Variants in ST8SIA6 observed in about 807,000 individuals in gnomAD.
ST8SIA6 encodes the protein alpha-2,8-sialyltransferase 8F.
In ST8SIA6, 39 loss-of-function variants were observed where a neutral mutation model predicts 33.6. The observed-to-expected ratio is 1.16, with a 90% CI of 0.90 to 1.52. The LOEUF (loss-of-function observed/expected upper bound fraction) is 1.52. Among genes scored for constraint, ST8SIA6 ranks in the 40% most tolerant of loss-of-function variants. ST8SIA6 has a pLI of 0.00. For missense variants in ST8SIA6, 441 were observed against 443.8 expected (o/e 0.99, Z 0.06); for synonymous variants, 172 against 167.2 (o/e 1.03, Z -0.22).
intron 5 of ST8SIA6, 42 bp downstream of exon 5, chr10:17,331,366 T>C (rs748354672): frequency 1.3e-6 from 2 of 1,563,604 alleles, no homozygotes; most frequent in South Asian, 2.4e-5. Context: ...AAAATTCACC[T>C]GGAATGGTAA....
At chr10:17,417,842 C>T (rs796590660) in intron 2 of ST8SIA6, among the ~76,000 whole-genome samples, 1 of 152,094 alleles carries the variant, frequency 6.6e-6, no homozygotes, top group Non-Finnish European at 1.5e-5. Context: ...AAGATAGAAC[C>T]TGAAAGGCTT....
chr10:17,397,171 TCTCCTTCAG>T (rs1850836086), intron 2 of ST8SIA6, among the ~76,000 whole-genome samples: 1 of 151,928 alleles, frequency 6.6e-6, no homozygotes, highest in Admixed American at 6.6e-5. Context: ...CCAACCTTTT[TCTCCTTCAG>T]CTCCATCCTC....
chr10:17,430,333 A>G (rs115741391), intron 2 of ST8SIA6, among the ~76,000 whole-genome samples: 3,469 of 152,200 alleles, frequency 0.023, 141 homozygotes, highest in African/African-American at 0.079. Flanking sequence ...CATCTTTGCA[A>G]TTGTGAATTG....
chr10:17,401,097 T>C lies in ST8SIA6; in HGVS notation c.201-10477A>G, dbSNP rs575989480. Among the ~76,000 whole-genome samples, 29 of 152,214 alleles carry C rather than the reference T, an allele frequency of 1.9e-4. 1 individual carries two copies. The East Asian group carries it at 5.6e-3, about 29-fold the overall frequency. On this transcript the variant is annotated intron_variant, in intron 2 of 7. Transcript: ENST00000377602. Reference sequence around the variant, plus strand: ...TTCAGCAAAGTCTCAGGATACAAAATCAATGTGCAAAAATCACAAGCATTC... The same window carrying C: ...TTCAGCAAAGTCTCAGGATACAAAACCAATGTGCAAAAATCACAAGCATTC...
intron 2 of ST8SIA6, among the ~76,000 whole-genome samples, chr10:17,407,609 G>T (rs1443244127): frequency 6.6e-6 from 1 of 152,180 alleles, no homozygotes; most frequent in Admixed American, 6.5e-5. Context: ...TGGCTGGGTT[G>T]CCCTGTGAGT....
chr10:17,380,983 GGTTTT>G (rs1296796155), intron 3 of ST8SIA6, among the ~76,000 whole-genome samples: 1 of 150,514 alleles, frequency 6.6e-6, no homozygotes, highest in East Asian at 1.9e-4. Context: ...TGTTTTGAGG[GGTTTT>G]TTTTGTTTTT....
Position 17,391,355 on chromosome 10 carries a change from G to A in ST8SIA6, c.201-735C>T, listed in dbSNP as rs12262283. Among the ~76,000 whole-genome samples, 1,194 of 151,232 alleles carry A rather than the reference G, an allele frequency of 7.9e-3. 17 individuals carry two copies. The highest frequency in any genetic ancestry group is 0.028 in the African/African-American group (1,143 of 41,208). ...CGACTCACTGCAAGCTCCGCCTCCC[G>A]GGTTCACGCCATTCTCCTGCCTCAG... On this transcript the variant is annotated intron_variant, in intron 2 of 7. Transcript: ENST00000377602.
At chr10:17,387,558 C>T (rs536917568) in intron 3 of ST8SIA6, among the ~76,000 whole-genome samples, 76 of 152,108 alleles carry the variant, frequency 5.0e-4, no homozygotes, top group African/African-American at 1.8e-3. Context: ...TGAGCCACCG[C>T]GCCGGGCCCA....
At chr10:17,452,297 C>T (rs979684791) in intron 2 of ST8SIA6, among the ~76,000 whole-genome samples, 1 of 152,122 alleles carries the variant, frequency 6.6e-6, no homozygotes, top group Admixed American at 6.5e-5. Flanking sequence ...CACTTCCAGA[C>T]CCTTCTTAGA....
chr10:17,367,836 A>G (rs1372459691), intron 3 of ST8SIA6, among the ~76,000 whole-genome samples: 1 of 152,190 alleles, frequency 6.6e-6, no homozygotes, highest in East Asian at 1.9e-4. Flanking sequence ...GTAAATAAGC[A>G]AGCATGCATA....
chr10:17,377,752 A>G (rs1849965762), intron 3 of ST8SIA6, among the ~76,000 whole-genome samples: 2 of 152,374 alleles, frequency 1.3e-5, no homozygotes, highest in East Asian at 3.9e-4. Flanking sequence ...AAAGGGACAG[A>G]TAGGCTGAAG....
At chr10:17,419,968 T>C (rs1305165377) in intron 2 of ST8SIA6, among the ~76,000 whole-genome samples, 1 of 152,236 alleles carries the variant, frequency 6.6e-6, no homozygotes, top group Non-Finnish European at 1.5e-5. Context: ...CATCAGAATT[T>C]CCTTTAAAAA....
At chr10:17,414,581 A>G (rs1282904739) in intron 2 of ST8SIA6, among the ~76,000 whole-genome samples, 1 of 152,126 alleles carries the variant, frequency 6.6e-6, no homozygotes, top group Non-Finnish European at 1.5e-5. Context: ...TATTTTGAAG[A>G]CTCAAAATGT....
chr10:17,341,911 A>AG (rs1848688312), intron 4 of ST8SIA6, among the ~76,000 whole-genome samples: 1 of 150,926 alleles, frequency 6.6e-6, no homozygotes, highest in African/African-American at 2.4e-5. Flanking sequence ...AAAAAAAAAA[A>AG]AAAAAAAAAA....
intron 2 of ST8SIA6, 55 bp downstream of exon 2, chr10:17,453,504 A>G (rs937162695): frequency 4.9e-6 from 6 of 1,236,530 alleles, no homozygotes; most frequent in Non-Finnish European, 6.1e-6. Flanking sequence ...GCCGCGCCCC[A>G]TGCCCGGCTC....
chr10:17,426,158 G>C (rs1050334352), intron 2 of ST8SIA6, among the ~76,000 whole-genome samples: 7 of 152,114 alleles, frequency 4.6e-5, no homozygotes, highest in Non-Finnish European at 1.0e-4. Context: ...TCTTCACTCT[G>C]TTCCCAAGTG....
chr10:17,345,536 A>G (rs1047487235), intron 4 of ST8SIA6, among the ~76,000 whole-genome samples: 14 of 151,754 alleles, frequency 9.2e-5, no homozygotes, highest in African/African-American at 3.2e-4. Context: ...AGACTGTTTG[A>G]GAAGCAGGAA....
intron 3 of ST8SIA6, among the ~76,000 whole-genome samples, chr10:17,361,373 C>G (rs1439301651): frequency 6.6e-6 from 1 of 151,768 alleles, no homozygotes; most frequent in Non-Finnish European, 1.5e-5. Context: ...TAACTTTATG[C>G]CAAAATAGTT....
At chr10:17,429,543 G>A (rs1428099676) in intron 2 of ST8SIA6, among the ~76,000 whole-genome samples, 1 of 151,824 alleles carries the variant, frequency 6.6e-6, no homozygotes, top group African/African-American at 2.4e-5. Context: ...GTTTCTCCCT[G>A]TGTGCCCATG....
Sources: gnomAD v4.1 joint callset for allele counts (sites outside exome capture counted in the v4.1 genomes callset) on GRCh38, gnomAD v4.1.1 for gene constraint, MANE v1.5 for transcripts, NCBI Gene and HGNC (gene_info 2026-07-23, HGNC 2026-07-21) for gene names.